The following UNC13C variants were observed in gnomAD, a reference collection of about 807,000 sequenced individuals.
UNC13C encodes unc-13 homolog C, also known as protein unc-13 homolog C.
In UNC13C, 174 loss-of-function variants were observed where a neutral mutation model predicts 245.4. That is an observed-to-expected ratio of 0.71 (90% CI 0.63 to 0.80). The LOEUF is 0.80. Ranked by LOEUF, UNC13C falls within the 30% of genes least tolerant of loss-of-function variation. The pLI is 0.00. For synonymous variants in UNC13C, 992 were observed against 895.1 expected (o/e 1.11, Z -1.93); for missense variants, 2,829 against 2,602.9 (o/e 1.09, Z -1.89).
chr15:53,996,833 T>G (rs1363445755), intron 1 of UNC13C, among the ~76,000 whole-genome samples: 1 of 24,918 alleles, frequency 4.0e-5, no homozygotes, highest in Non-Finnish European at 1.6e-4. Context: ...TCCTGATGGG[T>G]TTTTTTTTTT....
At chr15:54,129,827 C>A (rs11639167) in intron 2 of UNC13C, among the ~76,000 whole-genome samples, 55,441 of 150,730 alleles carry the variant, frequency 0.37, 10,273 homozygotes, top group Admixed American at 0.39. Context: ...ACTTCCATTA[C>A]AACTTTAAAA....
At chr15:54,322,333 GA>G (rs942416313) in intron 14 of UNC13C, among the ~76,000 whole-genome samples, 1 of 151,978 alleles carries the variant, frequency 6.6e-6, no homozygotes, top group African/African-American at 2.4e-5. Flanking sequence ...TTCAGTGAGG[GA>G]AAAACATACA....
At chr15:54,262,490 A>G (rs1274713356) in intron 8 of UNC13C, among the ~76,000 whole-genome samples, 2 of 152,320 alleles carry the variant, frequency 1.3e-5, no homozygotes, top group African/African-American at 4.8e-5. Flanking sequence ...AGTTTCAACT[A>G]TTTACTCCAG....
At chr15:53,873,896 TTTCCTTCCTTCCTTCCTTCCTTCCTTTC>T in the UNC13C span, among the ~76,000 whole-genome samples, 25,792 of 133,692 alleles carry the variant, frequency 0.19, 3,003 homozygotes, top group Admixed American at 0.23. Context: ...CTTCCTTCTC[TTTCCTTCCTTCCTTCCTTCCTTCCTTTC>T]TTCCTTCCTT....
At position 54,627,391 on chromosome 15, in the gene UNC13C, A is replaced by C. The variant is rs572391633; in HGVS notation, c.*278A>C. The C allele has an allele frequency of 4.3e-4, 108 of 249,170 alleles. No individual in the cohort carries two copies. The highest frequency in any genetic ancestry group is 2.4e-3 in the African/African-American group (108 of 45,102). 15.4% of individuals were successfully genotyped at this position (249,170 alleles called of 1,614,324 possible). A position where few individuals can be genotyped will look rare whatever the true frequency, so the allele number is the denominator to read the frequency against. On this transcript the variant is annotated 3_prime_UTR_variant, in exon 33 of 33. Transcript: ENST00000260323. Reference sequence around the variant, plus strand: ...TCTTTACCCATTTCACATTCATTAAACATAATTTTTAAAAACTAGTCTTTT... The same window carrying C: ...TCTTTACCCATTTCACATTCATTAACCATAATTTTTAAAAACTAGTCTTTT...
At chr15:54,084,320 G>T (rs573718836) in intron 2 of UNC13C, among the ~76,000 whole-genome samples, 1 of 152,300 alleles carries the variant, frequency 6.6e-6, no homozygotes, top group South Asian at 2.1e-4. Flanking sequence ...GAGTGGGTGG[G>T]TTGGATTCTA....
chr15:54,174,026 A>G (rs1261676803), intron 4 of UNC13C, among the ~76,000 whole-genome samples: 1 of 152,120 alleles, frequency 6.6e-6, no homozygotes, highest in African/African-American at 2.4e-5. Context: ...TCAATATTGT[A>G]TTCTTATGAT....
intron 4 of UNC13C, among the ~76,000 whole-genome samples, chr15:54,207,641 G>C (rs1356880320): frequency 6.6e-6 from 1 of 152,058 alleles, no homozygotes; most frequent in Non-Finnish European, 1.5e-5. Flanking sequence ...ATAATTTGGA[G>C]ATAATTTTGA....
At chr15:54,123,986 A>G (rs2030857674) in intron 2 of UNC13C, among the ~76,000 whole-genome samples, 1 of 152,166 alleles carries the variant, frequency 6.6e-6, no homozygotes, top group South Asian at 2.1e-4. Flanking sequence ...TTCACTTAGC[A>G]TAATGCCCTG....
chr15:54,075,019 C>T (rs1462058815), intron 2 of UNC13C, among the ~76,000 whole-genome samples: 9 of 152,072 alleles, frequency 5.9e-5, no homozygotes, highest in South Asian at 4.1e-4. Context: ...TCATCAATAT[C>T]GTGTAGTTGG....
chr15:54,546,142 A>G (rs930179423), intron 26 of UNC13C, among the ~76,000 whole-genome samples: 13 of 152,214 alleles, frequency 8.5e-5, no homozygotes, highest in African/African-American at 3.1e-4. Context: ...TGCAGCCATG[A>G]AAAGGGATGA....
intron 4 of UNC13C, among the ~76,000 whole-genome samples, chr15:54,176,526 C>CA (rs897323684): frequency 3.9e-5 from 6 of 151,922 alleles, no homozygotes; most frequent in African/African-American, 7.2e-5. Context: ...ATATATTACA[C>CA]AAAAAATGAA....
chr15:54,213,086 CTTCTAAT>C (rs1458406150), intron 4 of UNC13C, among the ~76,000 whole-genome samples: 1 of 151,986 alleles, frequency 6.6e-6, no homozygotes, highest in Non-Finnish European at 1.5e-5. Context: ...CTTGGACAAT[CTTCTAAT>C]TTCTAATTAC....
chr15:53,898,956 C>G, the UNC13C span, among the ~76,000 whole-genome samples: 7 of 152,062 alleles, frequency 4.6e-5, no homozygotes, highest in African/African-American at 9.7e-5. Context: ...CACTGCCCCC[C>G]ACCCCATCCC....
the UNC13C span, among the ~76,000 whole-genome samples, chr15:53,946,673 G>GTTTTTTTTTTTTTTTTTTTTTTTTTTT: frequency 3.0e-5 from 3 of 99,284 alleles, no homozygotes; most frequent in African/African-American, 8.0e-5. Context: ...GTGAGCTGAG[G>GTTTTTTTTTTTTTTTTTTTTTTTTTTT]TTTTTTTTTT....
At chr15:54,092,765 G>A (rs986378847) in intron 2 of UNC13C, among the ~76,000 whole-genome samples, 4 of 152,134 alleles carry the variant, frequency 2.6e-5, no homozygotes, top group African/African-American at 9.7e-5. Flanking sequence ...GAGTTGTAAT[G>A]GGAATATAGG....
At position 54,343,613 on chromosome 15, in the gene UNC13C, C is replaced by G. The variant is rs74432825; in HGVS notation, c.4713+5124C>G. ...CCTGTTCTATATGCCTGAAGAAATT[C>G]TCCCTCCTTCCCTGCTTTCATCAAA... is the stretch of plus-strand genomic sequence containing the variant. On this transcript the variant is annotated intron_variant, in intron 17 of 32. Coordinates refer to ENST00000260323, the MANE Select transcript of UNC13C (RefSeq NM_001080534.3). Among the ~76,000 whole-genome samples, 616 of 152,276 alleles carry G rather than the reference C, an allele frequency of 4.0e-3. 25 individuals carry two copies. In the East Asian group the frequency reaches 0.084, roughly 21 times the overall value.
At chr15:54,586,177 C>T (rs1266783431) in intron 30 of UNC13C, among the ~76,000 whole-genome samples, 1 of 152,158 alleles carries the variant, frequency 6.6e-6, no homozygotes, top group Non-Finnish European at 1.5e-5. Context: ...TTCAAAATGA[C>T]AAAGAGGTAC....
chr15:54,043,731 A>G (rs1161265035), intron 2 of UNC13C, among the ~76,000 whole-genome samples: 1 of 152,166 alleles, frequency 6.6e-6, no homozygotes, highest in Admixed American at 6.5e-5. Context: ...TTTGTCCCTC[A>G]GTGGGGTGTC....
Sources: allele counts gnomAD v4.1 joint callset (sites outside exome capture counted in the v4.1 genomes callset), GRCh38; gene constraint gnomAD v4.1.1; transcripts MANE v1.5; gene names NCBI Gene and HGNC (gene_info 2026-07-23, HGNC 2026-07-21).